ARHGEF35: variants seen among roughly 807,000 people sequenced by gnomAD.
ARHGEF35 encodes the protein Rho guanine nucleotide exchange factor (GEF) 35.
For synonymous variants in ARHGEF35, 47 were observed against 170.4 expected (o/e 0.28, Z 5.64); for missense variants, 114 against 449.7 (o/e 0.25, Z 6.75).
At chr7:144,190,788 T>A (rs1472608557) in intron 1 of ARHGEF35, among the ~76,000 whole-genome samples, 1 of 150,212 alleles carries the variant, frequency 6.7e-6, no homozygotes, top group African/African-American at 2.5e-5. Context: ...TGGAGCATGG[T>A]GGCACGTGCC....
At position 144,186,879 on chromosome 7, in the gene ARHGEF35, G is replaced by C; in HGVS notation, c.*50C>G. On this transcript the variant is annotated 3_prime_UTR_variant, in exon 2 of 2. Transcript: ENST00000378115. ...AATCTATCAGTCAAAGAAGTCTCAA[G>C]GAAAAATTTAAAAATACATTGAACT... is the stretch of plus-strand genomic sequence containing the variant. The C allele has an allele frequency of 7.6e-7, 1 of 1,311,938 alleles. No individual in the cohort carries two copies. The allele number at this position is 1,311,938 out of a possible 1,614,324, so 81.3% of individuals were successfully genotyped here.
chr7:144,189,716 T>C (rs1380588769), intron 1 of ARHGEF35, among the ~76,000 whole-genome samples: 1 of 112,230 alleles, frequency 8.9e-6, no homozygotes, highest in African/African-American at 3.7e-5. Flanking sequence ...TATTTGACAG[T>C]ACTGAGGTTA....
At chr7:144,189,972 A>C (rs1401123314) in intron 1 of ARHGEF35, among the ~76,000 whole-genome samples, 82 of 131,778 alleles carry the variant, frequency 6.2e-4, no homozygotes, top group African/African-American at 2.4e-3. Flanking sequence ...CACCCAGCTA[A>C]TTTTTGTACT....
chr7:144,186,946 GT>G lies in ARHGEF35; in HGVS notation c.1437del (p.Lys479AsnfsTer34). 2.0e-6 allele frequency: 3 copies of G among 1,519,530 alleles called. 1 individual carries two copies. The highest frequency in any genetic ancestry group is 2.7e-6 in the Non-Finnish European group (3 of 1,108,276). The allele number at this position is 1,519,530 out of a possible 1,614,324, so 94.1% of individuals were successfully genotyped here. ...FLTEESPDKE[K>X]LLSVL ...GTGACATATCAAAGTACTGATAGAA[GT>G]TTTTCCTTGTCAGGTGACTCCTCAG... On this transcript the variant is annotated frameshift_variant, in exon 2 of 2. Coordinates refer to ENST00000378115, the MANE Select transcript of ARHGEF35 (RefSeq NM_001003702.3). LOFTEE classifies it high-confidence loss of function.
rs946094637 is a variant in ARHGEF35 at position 144,187,057 on chromosome 7, CCTCAGCCCTGGA to C, written c.1315_1326del (p.Ser439_Glu442del). ...GGAGACAGAGCTGCGGGGGACAGTT[CCTCAGCCCTGGA>C]CTCTGTCTGAGTCCCGGGAATCTGA... On this transcript the variant is annotated inframe_deletion, in exon 2 of 2. Coordinates refer to ENST00000378115, the MANE Select transcript of ARHGEF35 (RefSeq NM_001003702.3). 1 of 1,543,740 alleles carries C rather than the reference CCTCAGCCCTGGA, an allele frequency of 6.5e-7. No homozygotes were observed. The highest frequency in any genetic ancestry group is 8.9e-7 in the Non-Finnish European group (1 of 1,122,900).
rs2051949773 is a variant in ARHGEF35 at position 144,186,290 on chromosome 7, CTTAAT to C, written c.*634_*638del. On this transcript the variant is annotated 3_prime_UTR_variant, in exon 2 of 2. Transcript: ENST00000378115. ...AGATAAATGTGAAAGTAACTTTATG[CTTAAT>C]TTAATAAATTTTCATTGATTTTTTT... The C allele has an allele frequency of 5.8e-6, 1 of 172,186 alleles. No homozygotes were observed. Among genetic ancestry groups the C allele is most frequent in the Admixed American group, 5.6e-5 (1 of 17,700 alleles). 10.7% of individuals were successfully genotyped at this position (172,186 alleles called of 1,614,324 possible). A position where few individuals can be genotyped will look rare whatever the true frequency, so the allele number is the denominator to read the frequency against.
chr7:144,192,230 TACACACACACACACACACAC>T (rs2699831), intron 1 of ARHGEF35, among the ~76,000 whole-genome samples: 2 of 62,810 alleles, frequency 3.2e-5, no homozygotes, highest in Admixed American at 1.7e-4. Context: ...CCACTGTGTG[TACACACACACACACACACAC>T]ACACACACAC....
chr7:144,189,792 C>G (rs1043297714), intron 1 of ARHGEF35, among the ~76,000 whole-genome samples: 1 of 117,464 alleles, frequency 8.5e-6, no homozygotes, highest in East Asian at 2.9e-4. Context: ...TTCCTCCAGT[C>G]TTTTTTTTTC....
In ARHGEF35 at chr7:144,186,989, T is replaced by C. The variant is rs771989255; in HGVS notation, c.1395A>G (p.Leu465=). 1.3e-6 allele frequency: 2 copies of C among 1,544,978 alleles called. No homozygotes were observed. The highest frequency in any genetic ancestry group is 1.4e-5 in the African/African-American group (1 of 71,324). ...ACTCCTCAGTCAAAAAGGAGCCCAG[T>C]AGAGAAATGGGCTGGTGAGAGCATC... ...PIRCSHQPIS[L]LGSFLTEESP... Residue 465 remains leucine (L), a synonymous_variant, in exon 2 of 2, where the codon CTA becomes CTG. Transcript: ENST00000378115.
Position 144,186,903 on chromosome 7 carries a change from C to T in ARHGEF35, c.*26G>A, listed in dbSNP as rs770651946. The T allele has an allele frequency of 2.1e-6, 3 of 1,398,306 alleles. No homozygotes were observed. The highest frequency in any genetic ancestry group is 1.4e-5 in the South Asian group (1 of 72,634). 86.6% of individuals were successfully genotyped at this position (1,398,306 alleles called of 1,614,324 possible). ...AGGAAAAATTTAAAAATACATTGAA[C>T]TGGATAAACATGAAACTGTGACATA... On this transcript the variant is annotated 3_prime_UTR_variant, in exon 2 of 2. Transcript: ENST00000378115.
rs931295337 is a variant in ARHGEF35, at chr7:144,186,894, T to A, written c.*35A>T. The A allele has an allele frequency of 2.2e-6, 3 of 1,361,656 alleles. No individual in the cohort carries two copies. The highest frequency in any genetic ancestry group is 2.4e-5 in the East Asian group (1 of 41,360). The allele number at this position is 1,361,656 out of a possible 1,614,324, so 84.3% of individuals were successfully genotyped here. On this transcript the variant is annotated 3_prime_UTR_variant, in exon 2 of 2. Transcript: ENST00000378115. ...GAAGTCTCAAGGAAAAATTTAAAAA[T>A]ACATTGAACTGGATAAACATGAAAC...
chr7:144,186,973 T>C lies in ARHGEF35; in HGVS notation c.1411A>G (p.Thr471Ala). 1 of 1,540,252 alleles carries C rather than the reference T, an allele frequency of 6.5e-7. No homozygotes were observed. Among genetic ancestry groups the C allele is most frequent in the Non-Finnish European group, 8.9e-7 (1 of 1,120,604 alleles). Residue 471 changes from threonine (T) to alanine (A), a missense_variant, in exon 2 of 2, where the codon ACT becomes GCT. Transcript: ENST00000378115. ...QPISLLGSFL[T>A]EESPDKEKLL... ...TTTTCCTTGTCAGGTGACTCCTCAG[T>C]CAAAAAGGAGCCCAGTAGAGAAATG...
At chr7:144,191,138 C>T (rs1398023976) in intron 1 of ARHGEF35, among the ~76,000 whole-genome samples, 2 of 110,050 alleles carry the variant, frequency 1.8e-5, no homozygotes, top group Non-Finnish European at 3.8e-5. Flanking sequence ...CTGGCGTCCA[C>T]CCATTTCACG....
intron 1 of ARHGEF35, among the ~76,000 whole-genome samples, chr7:144,189,806 C>CTTTTT (rs202193464): frequency 1.2e-4 from 12 of 102,060 alleles, no homozygotes; most frequent in East Asian, 2.8e-4. Context: ...TTTTTTCTTT[C>CTTTTT]TTTTTTTTTT....
At chr7:144,191,633 A>G (rs1221677571) in intron 1 of ARHGEF35, among the ~76,000 whole-genome samples, 1 of 133,480 alleles carries the variant, frequency 7.5e-6, no homozygotes, top group African/African-American at 2.8e-5. Flanking sequence ...ACGGAAGAAT[A>G]TAGAGTTAGA....
rs769616365 is a variant in ARHGEF35 at position 144,186,984 on chromosome 7, C to A, written c.1400G>T (p.Gly467Val). Residue 467 changes from glycine to valine, a missense_variant, in exon 2 of 2, where the codon GGC becomes GTC. Gly to Val is a moderately radical substitution (Grantham distance 109, BLOSUM62 -3). Transcript: ENST00000378115. ...AGGTGACTCCTCAGTCAAAAAGGAG[C>A]CCAGTAGAGAAATGGGCTGGTGAGA... ...RCSHQPISLL[G>V]SFLTEESPDK... The A allele has an allele frequency of 6.5e-7, 1 of 1,543,486 alleles. No homozygotes were observed. Among genetic ancestry groups the A allele is most frequent in the Non-Finnish European group, 8.9e-7 (1 of 1,122,466 alleles).
At chr7:144,189,698 C>T (rs1341541935) in intron 1 of ARHGEF35, among the ~76,000 whole-genome samples, 1 of 103,766 alleles carries the variant, frequency 9.6e-6, no homozygotes, top group Non-Finnish European at 1.9e-5. Flanking sequence ...TTGGGTGGTT[C>T]TTGTCAGTAT....
intron 1 of ARHGEF35, among the ~76,000 whole-genome samples, chr7:144,191,875 CAG>C (rs2052006974): frequency 8.5e-6 from 1 of 117,012 alleles, no homozygotes; most frequent in South Asian, 2.5e-4. Flanking sequence ...ACCTGAGAGA[CAG>C]AGAATAAGTG....
chr7:144,192,107 CAG>C (rs1279518788), intron 1 of ARHGEF35, among the ~76,000 whole-genome samples: 1 of 133,224 alleles, frequency 7.5e-6, no homozygotes, highest in Admixed American at 7.1e-5. Context: ...GCCATCAGTC[CAG>C]AGAAGACCCC....
Sources: allele counts gnomAD v4.1 joint callset (sites outside exome capture counted in the v4.1 genomes callset), GRCh38; gene constraint gnomAD v4.1.1; transcripts MANE v1.5; gene names NCBI Gene and HGNC (gene_info 2026-07-23, HGNC 2026-07-21).